The following TENM3 variants were observed in gnomAD, a reference collection of about 807,000 sequenced individuals.
TENM3 encodes teneurin transmembrane protein 3, also known as teneurin-3.
In TENM3, 63 loss-of-function variants were observed where a neutral mutation model predicts 255.1. That is an observed-to-expected ratio of 0.25 (90% CI 0.20 to 0.30). The LOEUF (loss-of-function observed/expected upper bound fraction) is 0.30, where lower values mean the gene tolerates loss of function less well. TENM3 is among the 10% of genes least tolerant of loss of function. The pLI is 1.00. For synonymous variants in TENM3, 1,306 were observed against 1,322.3 expected (o/e 0.99, Z 0.27); for missense variants, 2,929 against 3,461.1 (o/e 0.85, Z 3.86).
rs114118621 is a variant in TENM3 at position 182,583,062 on chromosome 4, C to T, written c.512-17862C>T. On this transcript the variant is annotated intron_variant, in intron 3 of 27. Transcript: ENST00000511685. ...TAATGTTAATATTTTTATTCTCCTTCGTAATCGACATATAGTTGGCAAAAG... is the reference window on the plus strand; with the variant it reads ...TAATGTTAATATTTTTATTCTCCTTTGTAATCGACATATAGTTGGCAAAAG... Among the ~76,000 whole-genome samples, 374 of 152,266 alleles carry T rather than the reference C, an allele frequency of 2.5e-3. 3 individuals are homozygous for T. The highest frequency in any genetic ancestry group is 8.5e-3 in the African/African-American group (355 of 41,534).
the TENM3 span, among the ~76,000 whole-genome samples, chr4:181,525,396 CAAAAAAA>C: frequency 3.1e-5 from 3 of 97,316 alleles, no homozygotes; most frequent in Non-Finnish European, 6.2e-5. Flanking sequence ...GACCCTGTTT[CAAAAAAA>C]AAAAAAAAAA....
At position 182,754,371 on chromosome 4, in the gene TENM3, C is replaced by G. The variant is rs576261848; in HGVS notation, c.4018-14C>G. On this transcript the variant is annotated splice_polypyrimidine_tract_variant and intron_variant, in intron 21 of 27. Transcript: ENST00000511685. The surrounding 1 kb of genome is among the most constrained non-coding windows in gnomAD (Gnocchi z 5.1). ...CAGTAACTTACTAACCAGGCCATTT[C>G]TTTTTTTATTAAGGTACGTCTGGAA... 1.9e-6 allele frequency: 3 copies of G among 1,567,850 alleles called. No homozygotes were observed. The highest frequency in any genetic ancestry group is 2.6e-6 in the Non-Finnish European group (3 of 1,154,472).
chr4:182,779,755 C>G (rs1448019430), intron 24 of TENM3, among the ~76,000 whole-genome samples: 1 of 152,222 alleles, frequency 6.6e-6, no homozygotes, highest in Non-Finnish European at 1.5e-5. Flanking sequence ...GCCATTCTAA[C>G]TAGTGTGAGA....
chr4:182,767,808 C>T (rs939505282), intron 22 of TENM3, among the ~76,000 whole-genome samples: 7 of 152,212 alleles, frequency 4.6e-5, no homozygotes, highest in African/African-American at 1.7e-4. Context: ...GAGGAAGACC[C>T]GAGGAAGGCC....
At chr4:182,545,056 A>G (rs980013774) in intron 3 of TENM3, among the ~76,000 whole-genome samples, 1 of 152,198 alleles carries the variant, frequency 6.6e-6, no homozygotes. Context: ...CCATCTCTGC[A>G]GAGATTAAAA....
chr4:181,800,131 A>T, the TENM3 span, among the ~76,000 whole-genome samples: 1 of 152,204 alleles, frequency 6.6e-6, no homozygotes, highest in Non-Finnish European at 1.5e-5. Context: ...ATTAAAAACA[A>T]TAATGGTAAT....
At chr4:182,193,992 G>A (rs1051896907) in intron 1 of TENM3, among the ~76,000 whole-genome samples, 2 of 152,074 alleles carry the variant, frequency 1.3e-5, no homozygotes, top group Non-Finnish European at 2.9e-5. Flanking sequence ...ACAACTTCAT[G>A]GCCTACGTTA....
chr4:182,392,644 C>G (rs1768514226), intron 3 of TENM3, among the ~76,000 whole-genome samples: 1 of 152,102 alleles, frequency 6.6e-6, no homozygotes, highest in Non-Finnish European at 1.5e-5. Flanking sequence ...ACAGGCAAAG[C>G]CGCCAAACCT....
intron 1 of TENM3, among the ~76,000 whole-genome samples, chr4:182,302,461 G>A (rs766535678): frequency 6.6e-5 from 10 of 152,126 alleles, no homozygotes; most frequent in Admixed American, 6.5e-4. Flanking sequence ...GATCTACTTC[G>A]CTGAGAGTTT....
the TENM3 span, among the ~76,000 whole-genome samples, chr4:181,542,668 T>C: frequency 3.3e-5 from 5 of 152,168 alleles, no homozygotes; most frequent in East Asian, 3.9e-4. Context: ...TATGAAAAAA[T>C]TTAGATTAAC....
intron 2 of TENM3, among the ~76,000 whole-genome samples, chr4:182,335,484 G>A (rs576853419): frequency 0.015 from 1,214 of 78,636 alleles, 19 homozygotes; most frequent in Middle Eastern, 0.089. Flanking sequence ...GACAGAGCGA[G>A]ACTCCGCCTC....
chr4:182,057,225 G>A, the TENM3 span, among the ~76,000 whole-genome samples: 1 of 151,172 alleles, frequency 6.6e-6, no homozygotes, highest in African/African-American at 2.4e-5. Flanking sequence ...AATAAAGCAT[G>A]GACCTCAGAG....
chr4:181,598,323 C>G, the TENM3 span, among the ~76,000 whole-genome samples: 275 of 152,260 alleles, frequency 1.8e-3, 5 homozygotes, highest in East Asian at 0.04. Flanking sequence ...GGCTTTCATT[C>G]CTGAACTACG....
chr4:182,193,977 C>G (rs1284704200), intron 1 of TENM3, among the ~76,000 whole-genome samples: 1 of 152,148 alleles, frequency 6.6e-6, no homozygotes, highest in Admixed American at 6.5e-5. Context: ...CATCAAATGG[C>G]GTCCACAACT....
At chr4:182,060,773 C>T in the TENM3 span, among the ~76,000 whole-genome samples, 1 of 152,080 alleles carries the variant, frequency 6.6e-6, no homozygotes, top group Non-Finnish European at 1.5e-5. Flanking sequence ...TACATAATTG[C>T]GGGTATAAAC....
chr4:182,013,187 C>T, the TENM3 span, among the ~76,000 whole-genome samples: 1 of 148,986 alleles, frequency 6.7e-6, no homozygotes, highest in South Asian at 2.2e-4. Flanking sequence ...AAGACTTTGG[C>T]TTATACCAGG....
chr4:182,469,534 G>A (rs1050594793), intron 3 of TENM3, among the ~76,000 whole-genome samples: 3 of 152,032 alleles, frequency 2.0e-5, no homozygotes, highest in Non-Finnish European at 4.4e-5. Flanking sequence ...GGCCAACATG[G>A]CGAAACCCTG....
intron 1 of TENM3, among the ~76,000 whole-genome samples, chr4:182,166,734 C>T (rs764571518): frequency 4.6e-5 from 7 of 152,080 alleles, no homozygotes; most frequent in African/African-American, 1.4e-4. Flanking sequence ...CAGGTTAAAG[C>T]GATGCTCCTG....
the TENM3 span, among the ~76,000 whole-genome samples, chr4:181,713,404 G>T: frequency 6.6e-6 from 1 of 152,172 alleles, no homozygotes; most frequent in Non-Finnish European, 1.5e-5. Context: ...TATGTGGGAT[G>T]GTGGAGTTAA....
Sources: gnomAD v4.1 joint callset for allele counts (sites outside exome capture counted in the v4.1 genomes callset) on GRCh38, gnomAD v4.1.1 for gene constraint, Gnocchi (gnomAD v3.1) non-coding constraint, MANE v1.5 for transcripts, NCBI Gene and HGNC (gene_info 2026-07-23, HGNC 2026-07-21) for gene names.